The following SLX4IP variants were observed in gnomAD, a reference collection of about 807,000 sequenced individuals.
SLX4IP encodes SLX4 interacting protein.
A neutral mutation model predicts 32.9 loss-of-function variants in SLX4IP; 34 were observed. The ratio of observed to expected loss-of-function variants is 1.03; its 90% CI spans 0.79 to 1.38. The LOEUF is 1.38. Ranked by LOEUF, SLX4IP falls within the 40% of genes most tolerant of loss-of-function variation. SLX4IP has a pLI of 0.00. For missense variants in SLX4IP, 444 were observed against 479.0 expected, an observed-to-expected ratio of 0.93 and a Z score of 0.68; for synonymous variants, 172 against 171.7, an observed-to-expected ratio of 1.00 and a Z score of -0.01.
At chr20:10,615,059 A>G (rs1362812446) in intron 6 of SLX4IP, among the ~76,000 whole-genome samples, 5 of 152,032 alleles carry the variant, frequency 3.3e-5, no homozygotes, top group African/African-American at 4.8e-5. Flanking sequence ...TCACCTTTAA[A>G]GGTGTCCTTT....
intron 3 of SLX4IP, among the ~76,000 whole-genome samples, chr20:10,557,431 A>G (rs1292709312): frequency 1.3e-5 from 2 of 152,242 alleles, no homozygotes; most frequent in African/African-American, 2.4e-5. Context: ...ATTCAGGTAA[A>G]TAACTGTGGA....
chr20:10,580,678 A>G (rs568667560), intron 4 of SLX4IP, among the ~76,000 whole-genome samples: 1 of 152,008 alleles, frequency 6.6e-6, no homozygotes, highest in East Asian at 2.0e-4. Context: ...TATATGTGGT[A>G]GGTGTGCAAG....
chr20:10,597,921 A>G (rs920898528), intron 4 of SLX4IP, among the ~76,000 whole-genome samples: 6 of 152,138 alleles, frequency 3.9e-5, no homozygotes, highest in African/African-American at 1.2e-4. Context: ...CTCATGTCAT[A>G]TTTCTTTTAA....
chr20:10,440,854 T>A (rs2065155048), intron 1 of SLX4IP, among the ~76,000 whole-genome samples: 1 of 152,228 alleles, frequency 6.6e-6, no homozygotes, highest in African/African-American at 2.4e-5. Flanking sequence ...GCTTGTGCTC[T>A]TGTTGTTGGA....
intron 2 of SLX4IP, among the ~76,000 whole-genome samples, chr20:10,525,246 C>G (rs765344714): frequency 7.9e-5 from 12 of 152,048 alleles, no homozygotes; most frequent in Non-Finnish European, 1.5e-4. Context: ...GTAGCAGACC[C>G]CTGCCTTCAG....
intron 1 of SLX4IP, among the ~76,000 whole-genome samples, chr20:10,455,767 A>G (rs6077802): frequency 0.5 from 75,707 of 151,830 alleles, 20,208 homozygotes; most frequent in Non-Finnish European, 0.6. Flanking sequence ...ACACCACCAC[A>G]CCCAGCTAAT....
At chr20:10,456,592 G>A (rs1204775711) in intron 1 of SLX4IP, among the ~76,000 whole-genome samples, 6 of 152,090 alleles carry the variant, frequency 3.9e-5, no homozygotes, top group African/African-American at 7.2e-5. Context: ...TACCCGCCTC[G>A]GCCTCCCAAA....
At chr20:10,548,591 C>T (rs1358182684) in intron 2 of SLX4IP, among the ~76,000 whole-genome samples, 1 of 152,192 alleles carries the variant, frequency 6.6e-6, no homozygotes, top group Admixed American at 6.5e-5. Flanking sequence ...GTGTCTAATT[C>T]TGTTACTGAG....
intron 4 of SLX4IP, among the ~76,000 whole-genome samples, chr20:10,580,085 T>C (rs1600124815): frequency 6.6e-6 from 1 of 152,236 alleles, no homozygotes; most frequent in East Asian, 1.9e-4. Flanking sequence ...ATCCTCATTA[T>C]AGTCAAGGTC....
At position 10,532,219 on chromosome 20, in the gene SLX4IP, A is replaced by G. The variant is rs528751310; in HGVS notation, c.28-24012A>G. The stretch of plus-strand genomic sequence containing the variant: ...ATCTGTATTTAATTTATTGAATTCA[A>G]AAGAACTAATCAAAAGATTGATGTC... On this transcript the variant is annotated intron_variant, in intron 2 of 7. Transcript: ENST00000334534. 2.0e-5 allele frequency among the ~76,000 whole-genome samples: 3 copies of G among 152,328 alleles called. No homozygotes were observed. The South Asian group carries it at 6.2e-4, about 32-fold the overall frequency.
intron 1 of SLX4IP, among the ~76,000 whole-genome samples, chr20:10,453,131 A>G (rs1166951657): frequency 6.6e-6 from 1 of 152,226 alleles, no homozygotes; most frequent in African/African-American, 2.4e-5. Flanking sequence ...AATGTTTGCT[A>G]TTATAACTAT....
chr20:10,591,872 T>C (rs752253021), intron 4 of SLX4IP, among the ~76,000 whole-genome samples: 10 of 152,230 alleles, frequency 6.6e-5, no homozygotes, highest in Non-Finnish European at 8.8e-5. Flanking sequence ...TTGTCTGCTC[T>C]GAAAAGCCTT....
intron 1 of SLX4IP, among the ~76,000 whole-genome samples, chr20:10,444,517 AC>A (rs1210124491): frequency 6.6e-6 from 1 of 152,066 alleles, no homozygotes; most frequent in Non-Finnish European, 1.5e-5. Context: ...AGCTGGGATT[AC>A]AGGTGTGTGC....
In SLX4IP at chr20:10,612,549, CTAT is replaced by C. The variant is rs759172371; in HGVS notation, c.406-8754_406-8752del. Among the ~76,000 whole-genome samples, 4 of 152,128 alleles carry C rather than the reference CTAT, an allele frequency of 2.6e-5. No homozygotes were observed. In the South Asian group the frequency reaches 8.3e-4, roughly 32 times the overall value. The stretch of plus-strand genomic sequence containing the variant: ...TTTTCAAAATACTCTGGTTGGGTTA[CTAT>C]TATTATTATTGAGATGCAGTTTCGC... On this transcript the variant is annotated intron_variant, in intron 6 of 7. Transcript: ENST00000334534.
At chr20:10,444,122 T>G (rs2065181012) in intron 1 of SLX4IP, among the ~76,000 whole-genome samples, 1 of 152,174 alleles carries the variant, frequency 6.6e-6, no homozygotes, top group African/African-American at 2.4e-5. Flanking sequence ...ATAGGGGACT[T>G]ATGCTCAGAT....
chr20:10,449,372 A>G (rs912972178), intron 1 of SLX4IP, among the ~76,000 whole-genome samples: 2 of 152,214 alleles, frequency 1.3e-5, no homozygotes. Context: ...ACCACTACAC[A>G]TGTAGCTTCA....
chr20:10,575,663 A>G (rs2122519646), intron 4 of SLX4IP, among the ~76,000 whole-genome samples: 1 of 152,158 alleles, frequency 6.6e-6, no homozygotes. Flanking sequence ...TTGTTTCTCA[A>G]GAATTTCAGG....
At chr20:10,519,880 C>T (rs920065148) in intron 2 of SLX4IP, among the ~76,000 whole-genome samples, 13 of 152,134 alleles carry the variant, frequency 8.5e-5, no homozygotes, top group African/African-American at 2.9e-4. Context: ...CACTTGCTAT[C>T]GTCTGTCTTC....
chr20:10,464,901 C>T (rs947261687), intron 2 of SLX4IP, among the ~76,000 whole-genome samples: 41 of 152,156 alleles, frequency 2.7e-4, no homozygotes, highest in South Asian at 1.5e-3. Context: ...ACTGTCCTCC[C>T]GACTTGGCCT....
Sources: allele counts gnomAD v4.1 joint callset (sites outside exome capture counted in the v4.1 genomes callset), GRCh38; gene constraint gnomAD v4.1.1; transcripts MANE v1.5; gene names NCBI Gene and HGNC (gene_info 2026-07-23, HGNC 2026-07-21).